The following MAP2K4 variants were observed in gnomAD, a reference collection of about 807,000 sequenced individuals.
MAP2K4 encodes dual specificity mitogen-activated protein kinase kinase 4.
MAP2K4 carries 4 observed loss-of-function variants against 48.5 expected under a neutral mutation model. The observed-to-expected ratio is 0.08, with a 90% CI of 0.04 to 0.19. The LOEUF (loss-of-function observed/expected upper bound fraction) is 0.19. Among genes scored for constraint, MAP2K4 ranks in the 10% least tolerant of loss-of-function variants. The probability of loss-of-function intolerance (pLI) is 1.00; values close to 1 mark genes in which losing one functional copy is unlikely to be tolerated. For missense variants in MAP2K4, 258 were observed against 493.3 expected, an observed-to-expected ratio of 0.52 and a Z score of 4.52; for synonymous variants, 166 against 173.1, an observed-to-expected ratio of 0.96 and a Z score of 0.32.
chr17:12,111,912 A>C (rs1972318861), intron 6 of MAP2K4, among the ~76,000 whole-genome samples: 2 of 152,070 alleles, frequency 1.3e-5, no homozygotes, highest in Non-Finnish European at 2.9e-5. Flanking sequence ...AGTTCCCACT[A>C]TCATGTCTAT....
chr17:12,041,046 A>G (rs1969762628), intron 1 of MAP2K4, among the ~76,000 whole-genome samples: 1 of 152,266 alleles, frequency 6.6e-6, no homozygotes, highest in African/African-American at 2.4e-5. Flanking sequence ...CTGTATACAC[A>G]TGAAGTAGAT....
intron 9 of MAP2K4, among the ~76,000 whole-genome samples, chr17:12,135,805 C>T (rs1382451007): frequency 6.6e-6 from 1 of 152,222 alleles, no homozygotes; most frequent in East Asian, 1.9e-4. Flanking sequence ...CTGCCTCAGC[C>T]TCCCAAAGTT....
chr17:12,119,931 T>C (rs1972629731), intron 7 of MAP2K4, among the ~76,000 whole-genome samples: 1 of 152,234 alleles, frequency 6.6e-6, no homozygotes, highest in African/African-American at 2.4e-5. Context: ...AAATACCACA[T>C]GTTCTCTTAA....
intron 3 of MAP2K4, among the ~76,000 whole-genome samples, chr17:12,082,250 A>G (rs532051263): frequency 6.6e-6 from 1 of 151,974 alleles, no homozygotes; most frequent in African/African-American, 2.4e-5. Flanking sequence ...TCCTAGTTTC[A>G]TGTAATTGTA....
At chr17:12,076,592 A>G (rs776777190) in intron 2 of MAP2K4, among the ~76,000 whole-genome samples, 2 of 152,204 alleles carry the variant, frequency 1.3e-5, no homozygotes, top group African/African-American at 4.8e-5. Flanking sequence ...TGTACTTTTA[A>G]TAAGGCCTGT....
At chr17:12,046,457 G>T (rs1969967472) in intron 1 of MAP2K4, among the ~76,000 whole-genome samples, 1 of 152,158 alleles carries the variant, frequency 6.6e-6, no homozygotes, top group African/African-American at 2.4e-5. Flanking sequence ...TTTTTATGGG[G>T]TTGGACTAAT....
At chr17:12,140,929 A>T (rs1973357939) in intron 10 of MAP2K4, among the ~76,000 whole-genome samples, 1 of 152,128 alleles carries the variant, frequency 6.6e-6, no homozygotes, top group South Asian at 2.1e-4. Context: ...GCACCTTCAG[A>T]TCATTACCAC....
At chr17:12,137,661 G>A (rs1338240812) in intron 9 of MAP2K4, among the ~76,000 whole-genome samples, 2 of 152,158 alleles carry the variant, frequency 1.3e-5, no homozygotes, top group Non-Finnish European at 2.9e-5. Context: ...AATAAAGAAG[G>A]CAACTCTGAA....
chr17:12,048,068 A>G (rs750503634), intron 1 of MAP2K4, among the ~76,000 whole-genome samples: 5 of 151,934 alleles, frequency 3.3e-5, no homozygotes, highest in African/African-American at 7.3e-5. Context: ...GGATCTCACT[A>G]TGTTGCCCAG....
rs1248493430 is a variant in MAP2K4 at position 12,125,285 on chromosome 17, A to T, written c.814-9A>T. On this transcript the variant is annotated splice_polypyrimidine_tract_variant and intron_variant, in intron 7 of 10. Coordinates refer to ENST00000353533, the MANE Select transcript of MAP2K4 (RefSeq NM_003010.4). Reference sequence around the variant, plus strand: ...CAATTAATAACTTACACTTGTCTTTATGTTCCAGCCTGAAAGAATAGACCC... The same window carrying T: ...CAATTAATAACTTACACTTGTCTTTTTGTTCCAGCCTGAAAGAATAGACCC... 16 of 1,610,944 alleles carry T rather than the reference A, an allele frequency of 9.9e-6. No homozygotes were observed. Among genetic ancestry groups the T allele is most frequent in the Non-Finnish European group, 1.4e-5 (16 of 1,177,188 alleles).
Position 12,095,204 on chromosome 17 carries a change from T to C in MAP2K4, c.394-371T>C, listed in dbSNP as rs569409818. Among the ~76,000 whole-genome samples the C allele has an allele frequency of 1.4e-4, 21 of 152,370 alleles. No homozygotes were observed. In the South Asian group the frequency reaches 4.3e-3, roughly 32 times the overall value. On this transcript the variant is annotated intron_variant, in intron 3 of 10. Coordinates refer to ENST00000353533, the MANE Select transcript of MAP2K4 (RefSeq NM_003010.4). ...TTTTGAAACGGTGATTAAAAGTATGTATACAGCTACCTATAATTATTCATA... is the reference window on the plus strand; with the variant it reads ...TTTTGAAACGGTGATTAAAAGTATGCATACAGCTACCTATAATTATTCATA...
intron 8 of MAP2K4, among the ~76,000 whole-genome samples, chr17:12,126,634 C>G (rs1482465905): frequency 6.6e-6 from 1 of 152,244 alleles, no homozygotes; most frequent in African/African-American, 2.4e-5. Context: ...GACCCCATCA[C>G]TTCCCAAAGA....
intron 2 of MAP2K4, among the ~76,000 whole-genome samples, chr17:12,060,911 T>G (rs1970431662): frequency 6.6e-6 from 1 of 152,154 alleles, no homozygotes; most frequent in Admixed American, 6.5e-5. Flanking sequence ...CCATCATCCA[T>G]CTCTAGAACT....
chr17:12,041,933 C>T (rs923930220), intron 1 of MAP2K4, among the ~76,000 whole-genome samples: 1 of 151,994 alleles, frequency 6.6e-6, no homozygotes, highest in Non-Finnish European at 1.5e-5. Flanking sequence ...GTAATCTCAG[C>T]GCTTTGGGAG....
chr17:12,122,106 C>T (rs1972712921), intron 7 of MAP2K4, among the ~76,000 whole-genome samples: 1 of 152,160 alleles, frequency 6.6e-6, no homozygotes, highest in Non-Finnish European at 1.5e-5. Flanking sequence ...TAAAAAACTG[C>T]CTTTCCTTTT....
At chr17:12,062,016 A>G (rs1360359100) in intron 2 of MAP2K4, among the ~76,000 whole-genome samples, 1 of 151,748 alleles carries the variant, frequency 6.6e-6, no homozygotes, top group African/African-American at 2.4e-5. Flanking sequence ...ATCTTCTCTC[A>G]ACATAGTTAA....
intron 4 of MAP2K4, among the ~76,000 whole-genome samples, chr17:12,099,520 C>A (rs1170985515): frequency 6.6e-6 from 1 of 152,180 alleles, no homozygotes; most frequent in African/African-American, 2.4e-5. Flanking sequence ...GTGAATAATC[C>A]TTAATACTGA....
intron 4 of MAP2K4, among the ~76,000 whole-genome samples, chr17:12,103,059 A>T (rs1393967274): frequency 6.7e-6 from 1 of 149,168 alleles, no homozygotes. Flanking sequence ...AAAAAAAAAA[A>T]GTCAGGGTCT....
chr17:12,059,017 C>T (rs953219312), intron 2 of MAP2K4, among the ~76,000 whole-genome samples: 1 of 151,898 alleles, frequency 6.6e-6, no homozygotes, highest in Non-Finnish European at 1.5e-5. Flanking sequence ...TTGCTTATTT[C>T]CTTAAAAAAA....
Sources: allele counts gnomAD v4.1 joint callset (sites outside exome capture counted in the v4.1 genomes callset), GRCh38; gene constraint gnomAD v4.1.1; transcripts MANE v1.5; gene names NCBI Gene and HGNC (gene_info 2026-07-23, HGNC 2026-07-21).